The following DOCK3 variants were observed in gnomAD, a reference collection of about 807,000 sequenced individuals.
The protein encoded by DOCK3 is dedicator of cytokinesis 3, also known as dedicator of cytokinesis protein 3.
DOCK3 carries 60 observed loss-of-function variants against 265.6 expected under a neutral mutation model. The observed-to-expected ratio is 0.23, with a 90% CI of 0.18 to 0.28. The LOEUF is 0.28. Among genes scored for constraint, DOCK3 ranks in the 10% least tolerant of loss-of-function variants. DOCK3 has a pLI of 1.00. For synonymous variants in DOCK3, 881 were observed against 938.0 expected (o/e 0.94, Z 1.11); for missense variants, 1,981 against 2,594.3 (o/e 0.76, Z 5.14).
At chr3:50,690,312 TTTG>T (rs1345599675) in intron 1 of DOCK3, among the ~76,000 whole-genome samples, 1 of 151,984 alleles carries the variant, frequency 6.6e-6, no homozygotes, top group East Asian at 1.9e-4. Flanking sequence ...TTTTAAATTT[TTTG>T]TATGGATGGG....
Position 50,675,762 on chromosome 3 carries a change from A to T in DOCK3, c.37+462A>T, listed in dbSNP as rs1338476622. On this transcript the variant is annotated intron_variant, in intron 1 of 52. Transcript: ENST00000266037. The surrounding 1 kb of genome is among the most constrained non-coding windows in gnomAD (Gnocchi z 6.1). ...TGAAAAACGTTGACATCATTTTCCC[A>T]GTTCAAAAATTTGGACATTTGACTG... is the stretch of plus-strand genomic sequence containing the variant. 6.6e-6 allele frequency among the ~76,000 whole-genome samples: 1 copy of T among 152,228 alleles called. No individual in the cohort carries two copies. The highest frequency in any genetic ancestry group is 2.4e-5 in the African/African-American group (1 of 41,464).
chr3:51,057,380 G>A (rs893994957), intron 5 of DOCK3, among the ~76,000 whole-genome samples: 3 of 152,164 alleles, frequency 2.0e-5, no homozygotes, highest in African/African-American at 7.2e-5. Context: ...GGCTGGATGT[G>A]TTGCTAAGAT....
At chr3:50,779,379 TTTTG>T (rs1412824486) in intron 2 of DOCK3, among the ~76,000 whole-genome samples, 2 of 152,104 alleles carry the variant, frequency 1.3e-5, no homozygotes, top group African/African-American at 4.8e-5. Context: ...TTTTTTTAAT[TTTTG>T]TTTATTTATT....
intron 14 of DOCK3, among the ~76,000 whole-genome samples, chr3:51,221,003 T>C (rs1319742592): frequency 6.6e-6 from 1 of 152,012 alleles, no homozygotes; most frequent in East Asian, 1.9e-4. Flanking sequence ...TTGGGAGACC[T>C]CTGAGACTAC....
At chr3:51,238,041 G>C (rs1365038668) in intron 21 of DOCK3, among the ~76,000 whole-genome samples, 3 of 149,522 alleles carry the variant, frequency 2.0e-5, no homozygotes, top group Non-Finnish European at 1.5e-5. Flanking sequence ...TGTCTTCAAG[G>C]CTCATCCATG....
At chr3:51,123,591 C>CT (rs2084131967) in intron 9 of DOCK3, among the ~76,000 whole-genome samples, 1 of 152,186 alleles carries the variant, frequency 6.6e-6, no homozygotes, top group Non-Finnish European at 1.5e-5. Context: ...TTTGTGCTCT[C>CT]TGTCTCACAC....
At position 50,679,060 on chromosome 3, in the gene DOCK3, G is replaced by A. The variant is rs543336640; in HGVS notation, c.37+3760G>A. Reference sequence around the variant, plus strand: ...AATCTCCTGACCTTGTGATCCGCTCGCCTCGGCCTCCCGAAGTGCTGGGAT... The same window carrying A: ...AATCTCCTGACCTTGTGATCCGCTCACCTCGGCCTCCCGAAGTGCTGGGAT... On this transcript the variant is annotated intron_variant, in intron 1 of 52. Coordinates refer to ENST00000266037, the MANE Select transcript of DOCK3 (RefSeq NM_004947.5). Among the ~76,000 whole-genome samples the A allele has an allele frequency of 1.1e-4, 16 of 152,250 alleles. No homozygotes were observed. In the South Asian group the frequency reaches 2.1e-3, roughly 20 times the overall value.
intron 2 of DOCK3, among the ~76,000 whole-genome samples, chr3:50,793,643 C>T (rs953502456): frequency 3.9e-5 from 6 of 152,158 alleles, no homozygotes; most frequent in Non-Finnish European, 8.8e-5. Context: ...CAGGCGTGAG[C>T]CACCTTGCCT....
chr3:50,698,136 A>G (rs2035753263), intron 1 of DOCK3, among the ~76,000 whole-genome samples: 1 of 152,062 alleles, frequency 6.6e-6, no homozygotes, highest in African/African-American at 2.4e-5. Context: ...GAACAGTTTC[A>G]TTACCCCCAA....
intron 1 of DOCK3, among the ~76,000 whole-genome samples, chr3:50,680,948 G>C (rs180830867): frequency 6.6e-6 from 1 of 152,166 alleles, no homozygotes; most frequent in Non-Finnish European, 1.5e-5. Flanking sequence ...CCTTTGCTGT[G>C]CAGAAGCTTT....
intron 5 of DOCK3, among the ~76,000 whole-genome samples, chr3:50,973,216 C>T (rs1184040761): frequency 6.7e-6 from 1 of 148,348 alleles, no homozygotes; most frequent in Non-Finnish European, 1.5e-5. Context: ...TATACATGTG[C>T]CACGCTGGTG....
At chr3:51,238,119 CTTTTTTTTTTTTTTTTTTTTTTT>C (rs747331452) in intron 21 of DOCK3, among the ~76,000 whole-genome samples, 4 of 47,438 alleles carry the variant, frequency 8.4e-5, no homozygotes, top group African/African-American at 3.3e-4. Context: ...ATATTTACCA[CTTTTTTTTTTTTTTTTTTTTTTT>C]TTTTTTTTTT....
intron 1 of DOCK3, among the ~76,000 whole-genome samples, chr3:50,702,692 A>T (rs529789677): frequency 1.3e-5 from 2 of 151,472 alleles, no homozygotes; most frequent in African/African-American, 4.8e-5. Context: ...TTCGTTTTGT[A>T]TCCTGTAACT....
chr3:51,237,406 TGGAGAAGGAA>T, intron 20 of DOCK3, 74 bp from the exon 21 acceptor site: 1 of 1,143,884 alleles, frequency 8.7e-7, no homozygotes, highest in Non-Finnish European at 1.3e-6. Flanking sequence ...TGCCATTATT[TGGAGAAGGAA>T]GACTCTGTTT....
intron 12 of DOCK3, among the ~76,000 whole-genome samples, chr3:51,184,253 G>A (rs1334918790): frequency 6.6e-6 from 1 of 151,360 alleles, no homozygotes; most frequent in African/African-American, 2.4e-5. Context: ...AGAAATTGCA[G>A]TGAGCCAAGA....
Position 51,338,932 on chromosome 3 carries a change from T to C in DOCK3, c.3673-3T>C. On this transcript the variant is annotated splice_region_variant and splice_polypyrimidine_tract_variant and intron_variant, in intron 36 of 52. Transcript: ENST00000266037. ...GACAGGTGTTTCCTTCTCTTTATTG[T>C]AGAATTTTTACAAATCTGAGATTAA... 1 of 1,598,978 alleles carries C rather than the reference T, an allele frequency of 6.3e-7. No individual in the cohort carries two copies. The highest frequency in any genetic ancestry group is 8.5e-7 in the Non-Finnish European group (1 of 1,172,088).
At chr3:51,379,715 G>C in intron 51 of DOCK3, 1 of 867,998 alleles carries the variant, frequency 1.2e-6, no homozygotes, top group Non-Finnish European at 1.4e-6. Flanking sequence ...CCACAGGAAG[G>C]ATCCTGCTGG....
intron 3 of DOCK3, among the ~76,000 whole-genome samples, chr3:50,874,579 TCTGGCATAC>T (rs1182775603): frequency 1.3e-5 from 2 of 152,086 alleles, no homozygotes; most frequent in Non-Finnish European, 2.9e-5. Flanking sequence ...AATCCATGAA[TCTGGCATAC>T]CTTTCCATTT....
At chr3:50,728,450 AAAGAT>A (rs1243862568) in intron 1 of DOCK3, among the ~76,000 whole-genome samples, 1 of 152,154 alleles carries the variant, frequency 6.6e-6, no homozygotes, top group Non-Finnish European at 1.5e-5. Context: ...GGAAAGAAAT[AAAGAT>A]AAGAGCTGAA....
Sources: allele counts gnomAD v4.1 joint callset (sites outside exome capture counted in the v4.1 genomes callset), GRCh38; gene constraint gnomAD v4.1.1; non-coding constraint Gnocchi (gnomAD v3.1); transcripts MANE v1.5; gene names NCBI Gene and HGNC (gene_info 2026-07-23, HGNC 2026-07-21).